CNTNAP2: variants seen among roughly 807,000 people sequenced by gnomAD.
CNTNAP2 encodes the protein contactin-associated protein-like 2.
CNTNAP2 carries 98 observed loss-of-function variants against 155.2 expected under a neutral mutation model. The ratio of observed to expected loss-of-function variants is 0.63; its 90% CI spans 0.54 to 0.75. CNTNAP2 has a LOEUF of 0.75. Among genes scored for constraint, CNTNAP2 ranks in the 30% least tolerant of loss-of-function variants. The pLI is 0.00. For synonymous variants in CNTNAP2, 651 were observed against 631.2 expected (o/e 1.03, Z -0.47); for missense variants, 1,727 against 1,688.1 (o/e 1.02, Z -0.40).
intron 1 of CNTNAP2, among the ~76,000 whole-genome samples, chr7:146,398,184 C>CTTTTTATTTT (rs1795660779): frequency 9.3e-6 from 1 of 107,052 alleles, no homozygotes; most frequent in African/African-American, 4.1e-5. Context: ...CGGCCCCAAA[C>CTTTTTATTTT]TTTTTTTTTT....
intron 13 of CNTNAP2, among the ~76,000 whole-genome samples, chr7:147,676,495 C>T (rs537635287): frequency 6.6e-6 from 1 of 152,020 alleles, no homozygotes; most frequent in East Asian, 1.9e-4. Flanking sequence ...TGCACTGCCT[C>T]GTATAGTTAT....
Position 147,990,604 on chromosome 7 carries a change from T to C in CNTNAP2, c.2383+12615T>C, listed in dbSNP as rs543470258. 5.8e-4 allele frequency among the ~76,000 whole-genome samples: 89 copies of C among 152,298 alleles called. 1 individual carries two copies. The highest frequency in any genetic ancestry group is 1.3e-3 in the African/African-American group (52 of 41,566). Reference sequence around the variant, plus strand: ...GTTTATCTTGGGGTTGGAATGTTTCTGATTGGAGATATCATTTGTGGTTTA... The same window carrying C: ...GTTTATCTTGGGGTTGGAATGTTTCCGATTGGAGATATCATTTGTGGTTTA... On this transcript the variant is annotated intron_variant, in intron 15 of 23. Transcript: ENST00000361727.
At chr7:146,200,962 G>A (rs1322219275) in intron 1 of CNTNAP2, among the ~76,000 whole-genome samples, 5 of 152,122 alleles carry the variant, frequency 3.3e-5, no homozygotes, top group African/African-American at 1.2e-4. Flanking sequence ...TTGTAGCCTG[G>A]ATAATTTGGG....
chr7:146,916,401 A>G (rs940996308), intron 3 of CNTNAP2, among the ~76,000 whole-genome samples: 17 of 152,128 alleles, frequency 1.1e-4, no homozygotes, highest in African/African-American at 3.9e-4. Flanking sequence ...TAAGATTGGT[A>G]CCAATTATTC....
intron 21 of CNTNAP2, among the ~76,000 whole-genome samples, chr7:148,367,367 A>G (rs996278400): frequency 6.6e-6 from 1 of 152,234 alleles, no homozygotes; most frequent in Non-Finnish European, 1.5e-5. Context: ...GAAGAAAAAA[A>G]TGAACTGTTA....
intron 18 of CNTNAP2, among the ~76,000 whole-genome samples, chr7:148,180,506 T>C (rs1448765506): frequency 6.6e-6 from 1 of 151,226 alleles, no homozygotes; most frequent in Admixed American, 6.6e-5. Flanking sequence ...CCAAGGGAGC[T>C]GAGAGGCCAA....
chr7:146,236,688 G>A (rs1216646853), intron 1 of CNTNAP2, among the ~76,000 whole-genome samples: 4 of 151,724 alleles, frequency 2.6e-5, no homozygotes, highest in African/African-American at 2.4e-5. Flanking sequence ...CAAACAAATC[G>A]AACATTTTCT....
At chr7:147,036,146 A>AGT (rs1799147772) in intron 3 of CNTNAP2, among the ~76,000 whole-genome samples, 1 of 152,200 alleles carries the variant, frequency 6.6e-6, no homozygotes, top group Non-Finnish European at 1.5e-5. Context: ...TTTGTGAGCT[A>AGT]TGAATAATTT....
chr7:146,793,513 G>A (rs1414716005), intron 2 of CNTNAP2, among the ~76,000 whole-genome samples: 1 of 152,188 alleles, frequency 6.6e-6, no homozygotes, highest in African/African-American at 2.4e-5. Flanking sequence ...CCTGGTGGTG[G>A]CTAAGAGATG....
At chr7:148,135,452 C>T (rs1357993462) in intron 16 of CNTNAP2, among the ~76,000 whole-genome samples, 3 of 152,174 alleles carry the variant, frequency 2.0e-5, no homozygotes, top group Non-Finnish European at 4.4e-5. Context: ...CCAATCATAA[C>T]ATATGATAGC....
intron 1 of CNTNAP2, among the ~76,000 whole-genome samples, chr7:146,139,774 G>A (rs1797851830): frequency 6.6e-6 from 1 of 152,032 alleles, no homozygotes; most frequent in Non-Finnish European, 1.5e-5. Context: ...TGTGGAAATA[G>A]AAGTGTTTTT....
At chr7:148,293,928 G>A (rs377632894) in intron 21 of CNTNAP2, among the ~76,000 whole-genome samples, 3 of 150,934 alleles carry the variant, frequency 2.0e-5, no homozygotes, top group East Asian at 3.9e-4. Context: ...GCAGCTACTC[G>A]GGAGGCTGAG....
chr7:146,343,114 G>A (rs927674613), intron 1 of CNTNAP2, among the ~76,000 whole-genome samples: 4 of 151,386 alleles, frequency 2.6e-5, no homozygotes, highest in African/African-American at 9.7e-5. Context: ...TTTCTGCTCT[G>A]GGCTATATAT....
chr7:146,601,918 T>G (rs1798956564), intron 1 of CNTNAP2, among the ~76,000 whole-genome samples: 1 of 151,836 alleles, frequency 6.6e-6, no homozygotes, highest in Non-Finnish European at 1.5e-5. Context: ...GTGGTAGCAA[T>G]TAGAAGAGTG....
intron 1 of CNTNAP2, among the ~76,000 whole-genome samples, chr7:146,689,873 G>T (rs1800667631): frequency 6.6e-6 from 1 of 151,974 alleles, no homozygotes; most frequent in Non-Finnish European, 1.5e-5. Flanking sequence ...AGAGCAAACA[G>T]GATGGATATA....
Position 146,440,040 on chromosome 7 carries a change from C to T in CNTNAP2, c.97+323067C>T, listed in dbSNP as rs900272801. Among the ~76,000 whole-genome samples the T allele has an allele frequency of 5.3e-5, 8 of 151,474 alleles. 1 individual carries two copies. Among genetic ancestry groups the T allele is most frequent in the African/African-American group, 1.7e-4 (7 of 40,838 alleles). ...TCTGGAAGCTGTGGCAGGAGAATCGCTTGAACCCGGGAGGCAGAGGTTGCA... is the reference window on the plus strand; with the variant it reads ...TCTGGAAGCTGTGGCAGGAGAATCGTTTGAACCCGGGAGGCAGAGGTTGCA... On this transcript the variant is annotated intron_variant, in intron 1 of 23. Coordinates refer to ENST00000361727, the MANE Select transcript of CNTNAP2 (RefSeq NM_014141.6).
At chr7:146,506,336 A>G (rs1441513804) in intron 1 of CNTNAP2, among the ~76,000 whole-genome samples, 6 of 152,194 alleles carry the variant, frequency 3.9e-5, no homozygotes, top group Admixed American at 3.3e-4. Context: ...TGTCTGGGGT[A>G]TGTCTGTGTC....
At chr7:146,278,844 A>G (rs1217755660) in intron 1 of CNTNAP2, among the ~76,000 whole-genome samples, 1 of 152,170 alleles carries the variant, frequency 6.6e-6, no homozygotes, top group African/African-American at 2.4e-5. Flanking sequence ...AAAAATAGTC[A>G]TTGACATAAG....
intron 13 of CNTNAP2, among the ~76,000 whole-genome samples, chr7:147,696,490 A>C (rs1022800202): frequency 6.6e-6 from 1 of 152,174 alleles, no homozygotes; most frequent in Non-Finnish European, 1.5e-5. Flanking sequence ...CTCCATATAC[A>C]TAGAGTACAT....
Sources: gnomAD v4.1 joint callset for allele counts (sites outside exome capture counted in the v4.1 genomes callset) on GRCh38, gnomAD v4.1.1 for gene constraint, MANE v1.5 for transcripts, NCBI Gene and HGNC (gene_info 2026-07-23, HGNC 2026-07-21) for gene names.